ENPEP: variants seen among roughly 807,000 people sequenced by gnomAD.
ENPEP encodes glutamyl aminopeptidase.
Under a neutral mutation model 114.5 loss-of-function variants are expected in ENPEP, and 103 were observed. That is an observed-to-expected ratio of 0.90 (90% CI 0.77 to 1.06). The LOEUF is 1.06. Among genes scored for constraint, ENPEP ranks in the 50% least tolerant of loss-of-function variants. The probability of loss-of-function intolerance (pLI) is 0.00; values close to 1 mark genes in which losing one functional copy is unlikely to be tolerated. For missense variants in ENPEP, 1,196 were observed against 1,161.3 expected, an observed-to-expected ratio of 1.03 and a Z score of -0.43; for synonymous variants, 420 against 422.0, an observed-to-expected ratio of 1.00 and a Z score of 0.06.
chr4:110,496,465 G>A (rs1472698997), intron 3 of ENPEP, among the ~76,000 whole-genome samples: 6 of 151,986 alleles, frequency 3.9e-5, no homozygotes, highest in African/African-American at 1.2e-4. Context: ...TCAAACATTC[G>A]TCAAATCTAA....
intron 11 of ENPEP, among the ~76,000 whole-genome samples, chr4:110,533,662 A>C (rs1322486605): frequency 6.6e-6 from 1 of 152,148 alleles, no homozygotes; most frequent in Admixed American, 6.6e-5. Context: ...TGTAGAGGAG[A>C]CGTGTGCTCT....
chr4:110,549,258 T>C (rs1727191379), intron 14 of ENPEP, 88 bp from the exon 15 acceptor site: 1 of 1,072,516 alleles, frequency 9.3e-7, no homozygotes, highest in African/African-American at 1.6e-5. Context: ...GGAAAACAGA[T>C]TATAACAGGG....
At chr4:110,499,689 A>G (rs1337910487) in intron 3 of ENPEP, among the ~76,000 whole-genome samples, 1 of 152,188 alleles carries the variant, frequency 6.6e-6, no homozygotes, top group African/African-American at 2.4e-5. Flanking sequence ...TGAGAAAAAT[A>G]AAGATTTTTG....
At chr4:110,516,738 A>C (rs1013635235) in intron 8 of ENPEP, among the ~76,000 whole-genome samples, 1 of 152,248 alleles carries the variant, frequency 6.6e-6, no homozygotes, top group Non-Finnish European at 1.5e-5. Flanking sequence ...TATTAAAGTA[A>C]GAAATAAAGT....
intron 6 of ENPEP, among the ~76,000 whole-genome samples, chr4:110,510,922 C>A (rs1388314598): frequency 6.6e-6 from 1 of 152,114 alleles, no homozygotes; most frequent in Non-Finnish European, 1.5e-5. Context: ...ATCTTGTAAG[C>A]TTAAAAGCTC....
rs747704588 is a variant in ENPEP at position 110,559,647 on chromosome 4, A to G, written c.2643A>G (p.Arg881=). ...IQLNWDYLVN[R]YTLNNRNLGR... The stretch of plus-strand genomic sequence containing the variant: ...CCTTTTACTCTAAATTTCTCTCCAG[A>G]TATACACTCAATAACAGAAACCTTG... The change falls in exon 19 of 20, where the codon AGA becomes AGG. Residue 881 remains arginine (R), a splice_region_variant and synonymous_variant. Transcript: ENST00000265162. 24 of 1,610,010 alleles carry G rather than the reference A, an allele frequency of 1.5e-5. No individual in the cohort carries two copies. The highest frequency in any genetic ancestry group is 2.0e-5 in the Non-Finnish European group (24 of 1,176,452).
chr4:110,496,784 A>G (rs1056532257), intron 3 of ENPEP, among the ~76,000 whole-genome samples: 4 of 152,194 alleles, frequency 2.6e-5, no homozygotes, highest in Non-Finnish European at 4.4e-5. Context: ...ACAGAGGTGA[A>G]GGGTCCTTTT....
chr4:110,510,436 G>C (rs1725531917), intron 6 of ENPEP, 78 bp downstream of exon 6: 4 of 1,216,614 alleles, frequency 3.3e-6, no homozygotes, highest in Non-Finnish European at 4.8e-6. Context: ...CTATGATAAT[G>C]GTCCCGAGTC....
chr4:110,491,125 A>G lies in ENPEP; in HGVS notation c.879A>G (p.Gln293=), dbSNP rs763169597. The G allele has an allele frequency of 3.2e-5, 51 of 1,611,516 alleles. No homozygotes were observed. The highest frequency in any genetic ancestry group is 2.7e-4 in the Admixed American group (16 of 59,850). The part of the protein sequence containing the change: ...STYLVCFAVH[Q]FDSVKRISNS... ...ACCTGGTGTGCTTTGCTGTACATCA[A>G]TTTGACTCTGTAAAGAGAATATCAA... Residue 293 remains glutamine, a synonymous_variant, in exon 3 of 20, where the codon CAA becomes CAG. Coordinates refer to ENST00000265162, the MANE Select transcript of ENPEP (RefSeq NM_001977.4).
chr4:110,527,658 A>C (rs1204133720), intron 10 of ENPEP, among the ~76,000 whole-genome samples: 2 of 152,230 alleles, frequency 1.3e-5, no homozygotes, highest in African/African-American at 4.8e-5. Context: ...GCTAACAACT[A>C]TAAAGTGTTT....
intron 3 of ENPEP, among the ~76,000 whole-genome samples, chr4:110,502,937 G>T (rs1725215980): frequency 6.6e-6 from 1 of 151,448 alleles, no homozygotes; most frequent in African/African-American, 2.4e-5. Context: ...TAAGTTCTAG[G>T]GTGCATGTAC....
chr4:110,533,726 G>A (rs532051991), intron 11 of ENPEP, among the ~76,000 whole-genome samples: 7 of 152,244 alleles, frequency 4.6e-5, no homozygotes, highest in Non-Finnish European at 7.4e-5. Flanking sequence ...ACACTCCTTC[G>A]TATCCCTTTG....
chr4:110,488,972 T>C (rs997164811), intron 2 of ENPEP, among the ~76,000 whole-genome samples: 34 of 152,176 alleles, frequency 2.2e-4, no homozygotes, highest in African/African-American at 8.2e-4. Context: ...CCCTGAGTCG[T>C]GACAGATTAC....
intron 17 of ENPEP, among the ~76,000 whole-genome samples, chr4:110,551,270 T>C (rs1396205585): frequency 1.3e-5 from 2 of 152,114 alleles, no homozygotes; most frequent in Admixed American, 6.6e-5. Flanking sequence ...CCCACGACTT[T>C]AGTGCAATTT....
In ENPEP at chr4:110,528,826, G is replaced by A. The variant is rs569101933; in HGVS notation, c.1728-2372G>A. ...TCATACTGCTAGAACCTCTTACATGGTTAGATAGTGAAGAACTATGTCTAT... is the reference window on the plus strand; with the variant it reads ...TCATACTGCTAGAACCTCTTACATGATTAGATAGTGAAGAACTATGTCTAT... On this transcript the variant is annotated intron_variant, in intron 10 of 19. Coordinates refer to ENST00000265162, the MANE Select transcript of ENPEP (RefSeq NM_001977.4). Among the ~76,000 whole-genome samples, 19 of 152,240 alleles carry A rather than the reference G, an allele frequency of 1.2e-4. 2 individuals are homozygous for A. The South Asian group carries it at 3.9e-3, about 32-fold the overall frequency.
Position 110,561,477 on chromosome 4 carries a change from A to C in ENPEP, c.2793A>C (p.Thr931=). The part of the protein sequence containing the change: ...GEKPREQVLE[T]VKNNIEWLKQ... Reference sequence around the variant, plus strand: ...AACCTAGGGAACAAGTGCTGGAAACAGTGAAAAACAATATAGAGTGGCTAA... The same window carrying C: ...AACCTAGGGAACAAGTGCTGGAAACCGTGAAAAACAATATAGAGTGGCTAA... Residue 931 remains threonine, a synonymous_variant, in exon 20 of 20, where the codon ACA becomes ACC. Transcript: ENST00000265162. 6.2e-7 allele frequency: 1 copy of C among 1,614,134 alleles called. No individual in the cohort carries two copies. The highest frequency in any genetic ancestry group is 1.6e-4 in the Middle Eastern group (1 of 6,062).
intron 17 of ENPEP, among the ~76,000 whole-genome samples, 192 bp from the exon 18 acceptor site, chr4:110,553,123 G>A (rs1727348762): frequency 6.6e-6 from 1 of 151,878 alleles, no homozygotes; most frequent in African/African-American, 2.4e-5. Flanking sequence ...ATCATAGGTT[G>A]GTCTTTTAAA....
chr4:110,532,808 T>C (rs1490210221), intron 11 of ENPEP, among the ~76,000 whole-genome samples: 3 of 152,190 alleles, frequency 2.0e-5, no homozygotes, highest in Non-Finnish European at 4.4e-5. Context: ...AAAAAAATTC[T>C]AAATTTTTGC....
chr4:110,538,529 G>A (rs1050044573), intron 11 of ENPEP, among the ~76,000 whole-genome samples: 6 of 152,190 alleles, frequency 3.9e-5, no homozygotes, highest in Admixed American at 2.0e-4. Flanking sequence ...CCATCTATCC[G>A]GAGAGCTAGA....
Sources: allele counts gnomAD v4.1 joint callset (sites outside exome capture counted in the v4.1 genomes callset), GRCh38; gene constraint gnomAD v4.1.1; transcripts MANE v1.5; gene names NCBI Gene and HGNC (gene_info 2026-07-23, HGNC 2026-07-21).